Variants in NUFIP1 observed in about 807,000 individuals in gnomAD.
NUFIP1 encodes the protein FMR1-interacting protein NUFIP1.
NUFIP1 carries 38 observed loss-of-function variants against 56.2 expected under a neutral mutation model. That is an observed-to-expected ratio of 0.68 (90% CI 0.52 to 0.89). The LOEUF (loss-of-function observed/expected upper bound fraction) is 0.89, where lower values mean the gene tolerates loss of function less well. NUFIP1 is among the 40% of genes least tolerant of loss of function. NUFIP1 has a pLI of 0.00. For synonymous variants in NUFIP1, 215 were observed against 212.4 expected (o/e 1.01, Z -0.10); for missense variants, 567 against 605.8 (o/e 0.94, Z 0.67).
At position 44,989,298 on chromosome 13, in the gene NUFIP1, G is replaced by C; in HGVS notation, c.139C>G (p.Pro47Ala). The C allele has an allele frequency of 1.2e-6, 2 of 1,613,392 alleles. No homozygotes were observed. The highest frequency in any genetic ancestry group is 1.7e-6 in the Non-Finnish European group (2 of 1,179,824). The stretch of plus-strand genomic sequence containing the variant: ...GGAAGCGAGGACGTAAGTGGTGGTG[G>C]CGGTGGCGGCAGCATTGCCCAGAAC... ...WMFWAMLPPPPPPLTSSLPAA... is the reference protein window; with the variant it reads ...WMFWAMLPPPAPPLTSSLPAA... The change falls in exon 1 of 10, where the codon CCA becomes GCA. Residue 47 changes from proline to alanine, a missense_variant. Physicochemically the swap from Pro to Ala is conservative, Grantham distance 27 (BLOSUM62 -1). Transcript: ENST00000379161.
chr13:44,988,988 AG>A (rs775749584), intron 1 of NUFIP1, 36 bp downstream of exon 1: 24 of 1,603,830 alleles, frequency 1.5e-5, no homozygotes, highest in Non-Finnish European at 2.0e-5. Context: ...CGGGGGAAAA[AG>A]GTAAAGGGGT....
intron 9 of NUFIP1, 57 bp downstream of exon 9, chr13:44,943,385 G>T: frequency 2.2e-6 from 3 of 1,387,602 alleles, no homozygotes; most frequent in Non-Finnish European, 2.0e-6. Flanking sequence ...CACCCCAGTG[G>T]CTCTATCTTT....
At position 44,941,016 on chromosome 13, in the gene NUFIP1, T is replaced by TA; in HGVS notation, c.*189dup. On this transcript the variant is annotated 3_prime_UTR_variant, in exon 10 of 10. Transcript: ENST00000379161. ...AATCCCAACAATACAGACACAGTCT[T>TA]AAAAAATCAGTTATTTTTTTATTTG... 2.2e-6 allele frequency: 1 copy of TA among 463,922 alleles called. No individual in the cohort carries two copies. Among genetic ancestry groups the TA allele is most frequent in the Non-Finnish European group, 3.8e-6 (1 of 261,562 alleles). 28.7% of individuals were successfully genotyped at this position (463,922 alleles called of 1,614,324 possible).
intron 7 of NUFIP1, among the ~76,000 whole-genome samples, chr13:44,958,838 T>C (rs1368948141): frequency 6.6e-6 from 1 of 152,254 alleles, no homozygotes; most frequent in Non-Finnish European, 1.5e-5. Context: ...TTAATGCTTT[T>C]ATTTTTCAAC....
chr13:44,977,812 G>T (rs1309721343), intron 5 of NUFIP1, among the ~76,000 whole-genome samples: 1 of 152,166 alleles, frequency 6.6e-6, no homozygotes, highest in African/African-American at 2.4e-5. Context: ...ACTTTGGGAG[G>T]CTGAGACAGG....
Position 44,989,319 on chromosome 13 carries a change from A to G in NUFIP1, c.118T>C (p.Trp40Arg). 6.2e-7 allele frequency: 1 copy of G among 1,613,378 alleles called. No individual in the cohort carries two copies. The highest frequency in any genetic ancestry group is 8.5e-7 in the Non-Finnish European group (1 of 1,179,838). ...GGTGGCGGTGGCGGCAGCATTGCCC[A>G]GAACATCCAGCTGTCCCGCGGCGGG... ...TAPPRDSWMF[W>R]AMLPPPPPPL... Residue 40 changes from tryptophan (W) to arginine (R), a missense_variant, in exon 1 of 10, where the codon TGG becomes CGG. Trp to Arg is a moderately radical substitution (Grantham distance 101). Transcript: ENST00000379161.
At position 44,980,783 on chromosome 13, in the gene NUFIP1, G is replaced by A. The variant is rs976662864; in HGVS notation, c.533C>T (p.Thr178Ile). ...TTGATTTTTAAAACCACGATCACAG[G>A]TATCACAAAAAAAGTGAAAAACTGG... ...KEPVFHFFCD[T>I]CDRGFKNQEK... The change falls in exon 3 of 10, where the codon ACC (threonine) becomes ATC (isoleucine). Residue 178 changes from threonine to isoleucine, a missense_variant. Transcript: ENST00000379161. The A allele has an allele frequency of 6.2e-6, 10 of 1,602,770 alleles. No individual in the cohort carries two copies. Among genetic ancestry groups the A allele is most frequent in the East Asian group, 2.2e-5 (1 of 44,670 alleles).
At chr13:44,980,671 T>A in intron 3 of NUFIP1, 51 bp downstream of exon 3, 1 of 1,181,972 alleles carries the variant, frequency 8.5e-7, no homozygotes, top group Non-Finnish European at 1.2e-6. Flanking sequence ...AATATACAGA[T>A]AGAAGAAGCA....
Position 44,989,025 on chromosome 13 carries a change from C to A in NUFIP1, c.412G>T (p.Val138Phe). 1 of 1,613,690 alleles carries A rather than the reference C, an allele frequency of 6.2e-7. No homozygotes were observed. The highest frequency in any genetic ancestry group is 8.5e-7 in the Non-Finnish European group (1 of 1,179,946). Residue 138 changes from valine (V) to phenylalanine (F), a missense_variant and splice_region_variant, in exon 1 of 10, where the codon GTT (valine) becomes TTT (phenylalanine). Physicochemically the swap from Val to Phe is conservative, Grantham distance 50. Transcript: ENST00000379161. The part of the protein sequence containing the change: ...PRHQKSFNPA[V>F]KNSYYPRKYD... ...CGACTCACGTGGAAAAATAGCCTACCTGCAGGGTTGAAGGACTTCTGATGC... is the reference window on the plus strand; with the variant it reads ...CGACTCACGTGGAAAAATAGCCTACATGCAGGGTTGAAGGACTTCTGATGC...
At chr13:44,959,172 C>T (rs968783529) in intron 7 of NUFIP1, among the ~76,000 whole-genome samples, 2 of 152,184 alleles carry the variant, frequency 1.3e-5, no homozygotes, top group African/African-American at 4.8e-5. Flanking sequence ...CCTATAGCCT[C>T]CCTGCCCCAT....
chr13:44,969,476 C>T (rs1280347020), intron 5 of NUFIP1, among the ~76,000 whole-genome samples: 1 of 152,088 alleles, frequency 6.6e-6, no homozygotes. Context: ...CCAATATCTC[C>T]TGTTAGAGAA....
chr13:44,984,225 C>T (rs760025136), intron 1 of NUFIP1, among the ~76,000 whole-genome samples: 34 of 152,220 alleles, frequency 2.2e-4, no homozygotes, highest in Non-Finnish European at 4.9e-4. Flanking sequence ...ATTTCCTCTA[C>T]ATTCTGAAAT....
In NUFIP1 at chr13:44,988,574, A is replaced by C. The variant is rs559385373; in HGVS notation, c.412+451T>G. ...TATTTTGCTTATTGTCTGTCTTCCT[A>C]CACAAGAGAGATAATATTAAGCTCC... is the stretch of plus-strand genomic sequence containing the variant. On this transcript the variant is annotated intron_variant, in intron 1 of 9. Transcript: ENST00000379161. 4.6e-5 allele frequency among the ~76,000 whole-genome samples: 7 copies of C among 152,310 alleles called. No individual in the cohort carries two copies. The South Asian group carries it at 1.5e-3, about 32-fold the overall frequency.
At chr13:44,962,424 C>T (rs999581779) in intron 6 of NUFIP1, among the ~76,000 whole-genome samples, 38 of 152,136 alleles carry the variant, frequency 2.5e-4, no homozygotes, top group African/African-American at 8.0e-4. Context: ...TGGACAACAC[C>T]ACACTATCTT....
intron 8 of NUFIP1, among the ~76,000 whole-genome samples, chr13:44,946,018 G>A (rs958761552): frequency 4.6e-5 from 7 of 152,066 alleles, no homozygotes; most frequent in African/African-American, 1.7e-4. Flanking sequence ...TACTAGCTGT[G>A]TGACCTTTGG....
At chr13:44,987,137 G>A (rs926235310) in intron 1 of NUFIP1, among the ~76,000 whole-genome samples, 1 of 152,104 alleles carries the variant, frequency 6.6e-6, no homozygotes, top group African/African-American at 2.4e-5. Flanking sequence ...AGCACTTTTC[G>A]GAGGCCAAGG....
intron 7 of NUFIP1, among the ~76,000 whole-genome samples, chr13:44,951,497 C>T (rs1319225009): frequency 6.6e-6 from 1 of 152,202 alleles, no homozygotes; most frequent in Non-Finnish European, 1.5e-5. Flanking sequence ...TAGAATGCTT[C>T]CCACAGACAA....
At chr13:44,954,453 G>A (rs1057420766) in intron 7 of NUFIP1, among the ~76,000 whole-genome samples, 1 of 152,174 alleles carries the variant, frequency 6.6e-6, no homozygotes, top group African/African-American at 2.4e-5. Flanking sequence ...GTGGATTACA[G>A]TGCTGGGTAA....
At chr13:44,969,004 A>G (rs1871712420) in intron 5 of NUFIP1, among the ~76,000 whole-genome samples, 1 of 152,194 alleles carries the variant, frequency 6.6e-6, no homozygotes, top group African/African-American at 2.4e-5. Context: ...TCCTAAAGGT[A>G]AAGAAACTTA....
Sources: allele counts gnomAD v4.1 joint callset (sites outside exome capture counted in the v4.1 genomes callset), GRCh38; gene constraint gnomAD v4.1.1; transcripts MANE v1.5; gene names NCBI Gene and HGNC (gene_info 2026-07-23, HGNC 2026-07-21).